Variants in GREM2 observed in about 807,000 individuals in gnomAD.
GREM2 encodes the protein gremlin 2, DAN family BMP antagonist.
A neutral mutation model predicts 14.2 loss-of-function variants in GREM2; 11 were observed. The observed-to-expected ratio is 0.78, with a 90% CI of 0.49 to 1.28. GREM2 has a LOEUF of 1.28. Among genes scored for constraint, GREM2 ranks in the 50% most tolerant of loss-of-function variants. GREM2 has a pLI of 0.00. For missense variants in GREM2, 210 were observed against 218.5 expected (o/e 0.96, Z 0.24); for synonymous variants, 98 against 97.6 (o/e 1.00, Z -0.02).
chr1:240,586,657 C>G (rs894346956), intron 1 of GREM2, among the ~76,000 whole-genome samples: 1 of 152,180 alleles, frequency 6.6e-6, no homozygotes, highest in Non-Finnish European at 1.5e-5. Flanking sequence ...TGCATGTACC[C>G]ATGATGTTTG....
At chr1:240,495,873 T>C (rs1439878032) in intron 1 of GREM2, among the ~76,000 whole-genome samples, 1 of 152,212 alleles carries the variant, frequency 6.6e-6, no homozygotes, top group African/African-American at 2.4e-5. Context: ...TATTCTGGAG[T>C]AAGCACTGTC....
intron 1 of GREM2, among the ~76,000 whole-genome samples, chr1:240,565,212 T>A (rs1336135921): frequency 1.3e-5 from 2 of 152,194 alleles, no homozygotes; most frequent in African/African-American, 4.8e-5. Flanking sequence ...CTATCATTAT[T>A]ACACCTTTTC....
chr1:240,582,449 A>C (rs1016193935), intron 1 of GREM2, among the ~76,000 whole-genome samples: 19 of 151,732 alleles, frequency 1.3e-4, no homozygotes, highest in African/African-American at 3.9e-4. Flanking sequence ...CACACACAAA[A>C]AAAGAGTTTA....
intron 1 of GREM2, among the ~76,000 whole-genome samples, chr1:240,509,829 C>T (rs898299796): frequency 6.6e-6 from 1 of 152,094 alleles, no homozygotes; most frequent in Non-Finnish European, 1.5e-5. Context: ...AGGAATTCTG[C>T]ATATTCAATA....
At chr1:240,602,999 G>C (rs550721173) in intron 1 of GREM2, among the ~76,000 whole-genome samples, 1 of 152,064 alleles carries the variant, frequency 6.6e-6, no homozygotes, top group Non-Finnish European at 1.5e-5. Flanking sequence ...CGTGAACCCG[G>C]GAGGTGGAGC....
intron 1 of GREM2, among the ~76,000 whole-genome samples, chr1:240,518,497 G>GA (rs1343944005): frequency 6.6e-6 from 1 of 152,106 alleles, no homozygotes; most frequent in Non-Finnish European, 1.5e-5. Flanking sequence ...ATTTTAAACA[G>GA]AAAATACATC....
intron 1 of GREM2, among the ~76,000 whole-genome samples, chr1:240,610,074 C>A (rs566395224): frequency 6.6e-6 from 1 of 152,100 alleles, no homozygotes; most frequent in Non-Finnish European, 1.5e-5. Context: ...TAATCCGTCT[C>A]ACACTCACAA....
At chr1:240,505,452 TA>T (rs975580600) in intron 1 of GREM2, among the ~76,000 whole-genome samples, 1 of 151,920 alleles carries the variant, frequency 6.6e-6, no homozygotes, top group Admixed American at 6.6e-5. Context: ...AAAACAACAA[TA>T]AAAAAACTCC....
At chr1:240,496,873 G>A (rs544849534) in intron 1 of GREM2, among the ~76,000 whole-genome samples, 3 of 152,240 alleles carry the variant, frequency 2.0e-5, no homozygotes, top group South Asian at 2.1e-4. Flanking sequence ...TTAGCTGGGC[G>A]TGGTGGCACA....
chr1:240,567,961 T>C (rs1679198420), intron 1 of GREM2, among the ~76,000 whole-genome samples: 1 of 151,936 alleles, frequency 6.6e-6, no homozygotes, highest in Admixed American at 6.6e-5. Context: ...ATACAAAAAT[T>C]AGCCAGATGT....
At chr1:240,537,258 A>G (rs1024072078) in intron 1 of GREM2, among the ~76,000 whole-genome samples, 1 of 152,252 alleles carries the variant, frequency 6.6e-6, no homozygotes, top group African/African-American at 2.4e-5. Context: ...GAGGAAGGAA[A>G]GAAAATGCTG....
intron 1 of GREM2, among the ~76,000 whole-genome samples, chr1:240,553,631 C>A (rs933424496): frequency 6.6e-6 from 1 of 152,166 alleles, no homozygotes; most frequent in Non-Finnish European, 1.5e-5. Flanking sequence ...CTTGCCATGG[C>A]TTATTTATAT....
chr1:240,532,642 TAG>T (rs1277284364), intron 1 of GREM2, among the ~76,000 whole-genome samples: 335 of 11,222 alleles, frequency 0.03, no homozygotes, highest in Admixed American at 0.047. Flanking sequence ...GAGATATATA[TAG>T]ATAGATAGAT....
Position 240,493,286 on chromosome 1 carries a change from C to A in GREM2, c.190G>T (p.Glu64Ter). The A allele has an allele frequency of 6.2e-7, 1 of 1,613,944 alleles. No homozygotes were observed. Among genetic ancestry groups the A allele is most frequent in the Non-Finnish European group, 8.5e-7 (1 of 1,179,922 alleles). Residue 64 changes from glutamate (E) to a stop codon, truncating the protein, a stop_gained, in exon 2 of 2, where the codon GAG (glutamate) becomes TAG (stop). Coordinates refer to ENST00000318160, the MANE Select transcript of GREM2 (RefSeq NM_022469.4). LOFTEE classifies it high-confidence loss of function. ...CAGTCACTCTTGAGGTACTTGCGCT[C>A]GGTGACCACCAGGGCCTCCTGGCTG... ...ASSQEALVVT[E>*]RKYLKSDWCK...
chr1:240,603,442 A>G (rs1312471882), intron 1 of GREM2, among the ~76,000 whole-genome samples: 1 of 151,894 alleles, frequency 6.6e-6, no homozygotes, highest in Non-Finnish European at 1.5e-5. Context: ...TCAAGGCCCA[A>G]CTCCATATCT....
At chr1:240,521,322 A>G (rs894450727) in intron 1 of GREM2, among the ~76,000 whole-genome samples, 2 of 152,190 alleles carry the variant, frequency 1.3e-5, no homozygotes, top group Non-Finnish European at 2.9e-5. Context: ...TAATCCCAGC[A>G]CTTTAGCAGG....
At chr1:240,508,341 G>A (rs546469629) in intron 1 of GREM2, among the ~76,000 whole-genome samples, 3 of 152,180 alleles carry the variant, frequency 2.0e-5, no homozygotes, top group African/African-American at 7.2e-5. Context: ...TATTTGAGAA[G>A]GGGAACGTCT....
At chr1:240,555,069 C>G (rs543538115) in intron 1 of GREM2, among the ~76,000 whole-genome samples, 2 of 151,806 alleles carry the variant, frequency 1.3e-5, no homozygotes, top group Non-Finnish European at 2.9e-5. Context: ...CACTTGAACC[C>G]GGGAGGCATG....
intron 1 of GREM2, among the ~76,000 whole-genome samples, chr1:240,563,556 G>A (rs1384583372): frequency 6.6e-6 from 1 of 152,178 alleles, no homozygotes; most frequent in African/African-American, 2.4e-5. Context: ...GCTACCTTTT[G>A]TCTGAGATTC....
Sources: allele counts gnomAD v4.1 joint callset (sites outside exome capture counted in the v4.1 genomes callset), GRCh38; gene constraint gnomAD v4.1.1; transcripts MANE v1.5; gene names NCBI Gene and HGNC (gene_info 2026-07-23, HGNC 2026-07-21).